Variants in ITPR2 observed in about 807,000 individuals in gnomAD.
ITPR2 encodes inositol 1,4,5-trisphosphate-gated calcium channel ITPR2.
In ITPR2, 207 loss-of-function variants were observed where a neutral mutation model predicts 317.1. That is an observed-to-expected ratio of 0.65 (90% confidence interval 0.58 to 0.73). The LOEUF (loss-of-function observed/expected upper bound fraction) is 0.73. Among genes scored for constraint, ITPR2 ranks in the 30% least tolerant of loss-of-function variants. ITPR2 has a pLI of 0.00. For synonymous variants in ITPR2, 1,156 were observed against 1,149.1 expected (o/e 1.01, Z -0.12); for missense variants, 2,613 against 3,284.0 (o/e 0.80, Z 4.99).
chr12:26,401,510 C>T (rs1940175881), intron 52 of ITPR2, among the ~76,000 whole-genome samples: 2 of 152,142 alleles, frequency 1.3e-5, no homozygotes, highest in African/African-American at 2.4e-5. Context: ...CAACTTGAAA[C>T]ATAATTTCTT....
At position 26,550,325 on chromosome 12, in the gene ITPR2, C is replaced by T. The variant is rs748630207; in HGVS notation, c.4995G>A (p.Glu1665=). Reference sequence around the variant, plus strand: ...TTTTAATGCACAGTTTTTCTTCTTTCTCCATTAGTTTCTTTGTATGATTAA... The same window carrying T: ...TTTTAATGCACAGTTTTTCTTCTTTTTCCATTAGTTTCTTTGTATGATTAA... ...KLINHTKKLM[E]KEEKLCIKIL... is the part of the protein sequence containing the mutation. Residue 1665 remains glutamate, a synonymous_variant, in exon 37 of 57, where the codon GAG becomes GAA. Transcript: ENST00000381340. 2.0e-6 allele frequency: 3 copies of T among 1,498,772 alleles called. No individual in the cohort carries two copies. The Admixed American group carries it at 5.2e-5, about 26-fold the overall frequency. The allele number at this position is 1,498,772 out of a possible 1,614,324, so 92.8% of individuals were successfully genotyped here.
chr12:26,364,662 C>T (rs971772682), intron 55 of ITPR2, among the ~76,000 whole-genome samples: 3 of 152,180 alleles, frequency 2.0e-5, no homozygotes, highest in Admixed American at 1.3e-4. Context: ...AGCAACCAAC[C>T]TTCTCATTAT....
chr12:26,823,642 G>A (rs1950970523), intron 1 of ITPR2, among the ~76,000 whole-genome samples: 1 of 151,962 alleles, frequency 6.6e-6, no homozygotes, highest in Non-Finnish European at 1.5e-5. Context: ...GTCTTAATAT[G>A]GACACATTTT....
chr12:26,707,677 G>A (rs1354096742), intron 9 of ITPR2, among the ~76,000 whole-genome samples: 1 of 152,076 alleles, frequency 6.6e-6, no homozygotes, highest in Non-Finnish European at 1.5e-5. Context: ...GGGATTACAG[G>A]CACCCGCCAT....
intron 13 of ITPR2, among the ~76,000 whole-genome samples, chr12:26,666,398 T>C (rs77865511): frequency 0.014 from 2,083 of 152,328 alleles, 26 homozygotes; most frequent in Middle Eastern, 0.054. Flanking sequence ...GTTTGCAGAC[T>C]ATTATCAAAT....
At chr12:26,584,498 T>C (rs1246654669) in intron 32 of ITPR2, among the ~76,000 whole-genome samples, 2 of 152,204 alleles carry the variant, frequency 1.3e-5, no homozygotes, top group Non-Finnish European at 2.9e-5. Flanking sequence ...GCATATATGA[T>C]GTCCTTCCTC....
chr12:26,580,330 T>C (rs1009189253), intron 32 of ITPR2, among the ~76,000 whole-genome samples, 175 bp from the exon 33 acceptor site: 1 of 152,166 alleles, frequency 6.6e-6, no homozygotes, highest in Non-Finnish European at 1.5e-5. Context: ...GTATCAATCT[T>C]CAGTAGCTGC....
intron 2 of ITPR2, among the ~76,000 whole-genome samples, chr12:26,736,347 T>A (rs1949117767): frequency 2.0e-5 from 3 of 152,200 alleles, no homozygotes; most frequent in Admixed American, 2.0e-4. Flanking sequence ...TTGCAGATGA[T>A]GCAGAGTGAA....
chr12:26,681,206 C>T (rs1046042327), intron 13 of ITPR2, among the ~76,000 whole-genome samples: 2 of 152,270 alleles, frequency 1.3e-5, no homozygotes, highest in East Asian at 1.9e-4. Context: ...TGCTTACCCT[C>T]GTCAGTTTTC....
At chr12:26,783,389 T>C (rs1042801595) in intron 2 of ITPR2, among the ~76,000 whole-genome samples, 9 of 152,308 alleles carry the variant, frequency 5.9e-5, no homozygotes, top group Middle Eastern at 6.8e-3. Context: ...GGCTGTCTTC[T>C]CTTCCCTCCA....
At chr12:26,478,035 C>T (rs1565549024) in intron 43 of ITPR2, among the ~76,000 whole-genome samples, 1 of 152,086 alleles carries the variant, frequency 6.6e-6, no homozygotes, top group Non-Finnish European at 1.5e-5. Flanking sequence ...GTTAACATAT[C>T]ATAGAATGAA....
At chr12:26,506,022 T>C (rs1943174045) in intron 37 of ITPR2, among the ~76,000 whole-genome samples, 1 of 151,830 alleles carries the variant, frequency 6.6e-6, no homozygotes, top group Non-Finnish European at 1.5e-5. Flanking sequence ...ATTCAAATAT[T>C]TAGCATAGTA....
intron 48 of ITPR2, among the ~76,000 whole-genome samples, chr12:26,432,960 C>T (rs1941254091): frequency 6.6e-6 from 1 of 152,142 alleles, no homozygotes; most frequent in Admixed American, 6.5e-5. Flanking sequence ...TTGACCAAAT[C>T]CAGCATCAGA....
intron 24 of ITPR2, 29 bp downstream of exon 24, chr12:26,624,270 A>G (rs1297150648): frequency 1.0e-5 from 15 of 1,437,080 alleles, no homozygotes; most frequent in Non-Finnish European, 1.4e-5. Context: ...ATTCACAAGT[A>G]AGATAAAGAT....
At chr12:26,579,102 T>C (rs1945337662) in intron 33 of ITPR2, among the ~76,000 whole-genome samples, 1 of 152,176 alleles carries the variant, frequency 6.6e-6, no homozygotes, top group Non-Finnish European at 1.5e-5. Context: ...CTGAAGCCAA[T>C]GACATGAATA....
At chr12:26,778,561 T>C (rs1462651072) in intron 2 of ITPR2, among the ~76,000 whole-genome samples, 2 of 152,222 alleles carry the variant, frequency 1.3e-5, no homozygotes, top group African/African-American at 4.8e-5. Flanking sequence ...CAGAAGCAAT[T>C]TGCCTTCGGC....
intron 2 of ITPR2, among the ~76,000 whole-genome samples, chr12:26,751,424 C>G (rs1310721622): frequency 6.6e-6 from 1 of 152,106 alleles, no homozygotes; most frequent in Non-Finnish European, 1.5e-5. Flanking sequence ...GGACTAATCT[C>G]AAACTACTAG....
At chr12:26,708,806 A>G (rs538727212) in intron 9 of ITPR2, among the ~76,000 whole-genome samples, 1 of 152,332 alleles carries the variant, frequency 6.6e-6, no homozygotes, top group East Asian at 1.9e-4. Flanking sequence ...GAGGTGACCA[A>G]TATCCCAAAT....
At chr12:26,789,389 C>A (rs957502177) in intron 2 of ITPR2, among the ~76,000 whole-genome samples, 6 of 152,204 alleles carry the variant, frequency 3.9e-5, no homozygotes, top group Non-Finnish European at 8.8e-5. Context: ...TGGGCTGGTG[C>A]TCTGAGAATC....
Sources: gnomAD v4.1 joint callset for allele counts (sites outside exome capture counted in the v4.1 genomes callset) on GRCh38, gnomAD v4.1.1 for gene constraint, MANE v1.5 for transcripts, NCBI Gene and HGNC (gene_info 2026-07-23, HGNC 2026-07-21) for gene names.